ARHGAP15: variants seen among roughly 807,000 people sequenced by gnomAD.
ARHGAP15 encodes Rho GTPase activating protein 15.
ARHGAP15 carries 51 observed loss-of-function variants against 63.7 expected under a neutral mutation model. That is an observed-to-expected ratio of 0.80 (90% confidence interval 0.64 to 1.01). ARHGAP15 has a LOEUF of 1.01. Ranked by LOEUF, ARHGAP15 falls within the 50% of genes least tolerant of loss-of-function variation. The pLI, the probability that ARHGAP15 is intolerant of heterozygous loss-of-function variation, is 0.00. For synonymous variants in ARHGAP15, 191 were observed against 193.8 expected, an observed-to-expected ratio of 0.99 and a Z score of 0.12; for missense variants, 560 against 564.6, an observed-to-expected ratio of 0.99 and a Z score of 0.08.
intron 1 of ARHGAP15, among the ~76,000 whole-genome samples, chr2:143,147,313 G>A (rs1454380175): frequency 6.6e-6 from 1 of 151,990 alleles, no homozygotes; most frequent in Non-Finnish European, 1.5e-5. Context: ...CATCATCAAT[G>A]CCCTAAGATA....
intron 10 of ARHGAP15, among the ~76,000 whole-genome samples, chr2:143,534,510 GC>G (rs1473077885): frequency 1.3e-5 from 2 of 151,872 alleles, no homozygotes; most frequent in East Asian, 3.9e-4. Flanking sequence ...GAAGAGACAG[GC>G]CTGGCTCAGA....
intron 5 of ARHGAP15, among the ~76,000 whole-genome samples, chr2:143,242,384 C>G (rs985905336): frequency 6.6e-6 from 1 of 152,192 alleles, no homozygotes; most frequent in African/African-American, 2.4e-5. Flanking sequence ...CAAAAGTGTA[C>G]CCAAGCTATT....
intron 12 of ARHGAP15, among the ~76,000 whole-genome samples, chr2:143,638,635 A>G (rs1239529375): frequency 1.3e-5 from 2 of 149,010 alleles, no homozygotes; most frequent in Non-Finnish European, 3.0e-5. Flanking sequence ...CATGTACCCT[A>G]AAACTTAAAG....
At chr2:143,674,772 C>T (rs1481364650) in intron 12 of ARHGAP15, among the ~76,000 whole-genome samples, 3 of 152,058 alleles carry the variant, frequency 2.0e-5, no homozygotes, top group Non-Finnish European at 4.4e-5. Context: ...TTTTAAAATG[C>T]GTTAGTGCTA....
At chr2:143,417,158 C>G (rs1173375189) in intron 6 of ARHGAP15, among the ~76,000 whole-genome samples, 1 of 151,640 alleles carries the variant, frequency 6.6e-6, no homozygotes, top group Non-Finnish European at 1.5e-5. Flanking sequence ...CTCGGGGGGT[C>G]TTAAGTCAGG....
intron 6 of ARHGAP15, among the ~76,000 whole-genome samples, chr2:143,340,512 T>C (rs1421694410): frequency 7.2e-6 from 1 of 137,938 alleles, no homozygotes; most frequent in Non-Finnish European, 1.6e-5. Context: ...AAATTTTTAA[T>C]GGCAGATTTT....
chr2:143,719,628 G>C (rs1176401519), intron 13 of ARHGAP15, among the ~76,000 whole-genome samples: 1 of 152,080 alleles, frequency 6.6e-6, no homozygotes, highest in Non-Finnish European at 1.5e-5. Context: ...CAACAGAAGG[G>C]AATTCCATTC....
chr2:143,295,003 TACTC>T (rs991740386), intron 6 of ARHGAP15, among the ~76,000 whole-genome samples: 35 of 152,102 alleles, frequency 2.3e-4, no homozygotes, highest in African/African-American at 7.0e-4. Context: ...GTTTGGTTAA[TACTC>T]AGGGTGATGC....
chr2:143,410,741 GAAATTT>G (rs1688406263), intron 6 of ARHGAP15, among the ~76,000 whole-genome samples: 1 of 150,626 alleles, frequency 6.6e-6, no homozygotes, highest in Non-Finnish European at 1.5e-5. Context: ...GCAGATACTG[GAAATTT>G]AAATAGGGTG....
chr2:143,361,676 T>C (rs796686190), intron 6 of ARHGAP15, among the ~76,000 whole-genome samples: 45 of 152,242 alleles, frequency 3.0e-4, no homozygotes, highest in African/African-American at 1.0e-3. Context: ...ACATGGACTT[T>C]GGGATTTAAA....
At chr2:143,553,312 AGCATGAGCCATTCAAAGCAGGAGCC>A (rs1695654467) in intron 10 of ARHGAP15, among the ~76,000 whole-genome samples, 2 of 152,210 alleles carry the variant, frequency 1.3e-5, no homozygotes, top group Non-Finnish European at 2.9e-5. Flanking sequence ...ATAGCCGGAG[AGCATGAGCCATTCAAAGCAGGAGCC>A]GCTAATGTCA....
chr2:143,420,948 A>T (rs757211024), intron 6 of ARHGAP15, among the ~76,000 whole-genome samples: 7 of 152,160 alleles, frequency 4.6e-5, no homozygotes, highest in Non-Finnish European at 1.0e-4. Context: ...CTACTCCCAG[A>T]TCTTGTATCA....
chr2:143,212,668 C>T (rs548166044), intron 3 of ARHGAP15, among the ~76,000 whole-genome samples: 1 of 152,198 alleles, frequency 6.6e-6, no homozygotes, highest in East Asian at 1.9e-4. Context: ...AGATCATTGT[C>T]CCTTCAAACC....
chr2:143,696,581 GT>G (rs2105406343), intron 12 of ARHGAP15, among the ~76,000 whole-genome samples: 1 of 152,216 alleles, frequency 6.6e-6, no homozygotes, highest in African/African-American at 2.4e-5. Context: ...GGGCCAGTGA[GT>G]TGAAGCTTCC....
intron 8 of ARHGAP15, among the ~76,000 whole-genome samples, chr2:143,477,208 T>A (rs201539296): frequency 6.8e-6 from 1 of 146,074 alleles, no homozygotes; most frequent in Admixed American, 6.8e-5. Flanking sequence ...ACACACACAC[T>A]CGCGCACACA....
intron 9 of ARHGAP15, among the ~76,000 whole-genome samples, chr2:143,499,917 A>T (rs1692978464): frequency 6.6e-6 from 1 of 152,122 alleles, no homozygotes; most frequent in African/African-American, 2.4e-5. Context: ...AAAAGAATAC[A>T]AAAGAGAAAT....
At chr2:143,217,846 G>C (rs1010769252) in intron 4 of ARHGAP15, among the ~76,000 whole-genome samples, 5 of 152,194 alleles carry the variant, frequency 3.3e-5, no homozygotes, top group Admixed American at 3.3e-4. Flanking sequence ...CTCCACTAGA[G>C]CTGAGTAGGA....
chr2:143,197,305 T>A (rs1691917789), intron 2 of ARHGAP15, among the ~76,000 whole-genome samples: 1 of 152,012 alleles, frequency 6.6e-6, no homozygotes, highest in Non-Finnish European at 1.5e-5. Flanking sequence ...GGACATCTAA[T>A]GTTTTAAGCT....
At chr2:143,279,279 C>T (rs1381894822) in intron 6 of ARHGAP15, among the ~76,000 whole-genome samples, 1 of 152,124 alleles carries the variant, frequency 6.6e-6, no homozygotes, top group African/African-American at 2.4e-5. Context: ...ATGTGAGACC[C>T]TTCTCATTCT....
Sources: gnomAD v4.1 joint callset for allele counts (sites outside exome capture counted in the v4.1 genomes callset) on GRCh38, gnomAD v4.1.1 for gene constraint, MANE v1.5 for transcripts, NCBI Gene and HGNC (gene_info 2026-07-23, HGNC 2026-07-21) for gene names.